The following CSMD2 variants were observed in gnomAD, a reference collection of about 807,000 sequenced individuals.
CSMD2 encodes CUB and sushi domain-containing protein 2.
CSMD2 carries 130 observed loss-of-function variants against 398.5 expected under a neutral mutation model. That is an observed-to-expected ratio of 0.33 (90% CI 0.28 to 0.38). The LOEUF (loss-of-function observed/expected upper bound fraction) is 0.38. Among genes scored for constraint, CSMD2 ranks in the 10% least tolerant of loss-of-function variants. CSMD2 has a pLI of 1.00. For missense variants in CSMD2, 3,829 were observed against 4,764.9 expected (o/e 0.80, Z 5.78); for synonymous variants, 1,828 against 1,908.5 (o/e 0.96, Z 1.10).
At chr1:33,832,424 C>A in intron 6 of CSMD2, among the ~76,000 whole-genome samples, 1 of 125,830 alleles carries the variant, frequency 7.9e-6, no homozygotes, top group South Asian at 3.0e-4. Context: ...GAACTGAAGG[C>A]AGAAATAAAG....
At chr1:33,721,360 A>G (rs895856191) in intron 19 of CSMD2, among the ~76,000 whole-genome samples, 1 of 152,230 alleles carries the variant, frequency 6.6e-6, no homozygotes, top group Admixed American at 6.5e-5. Context: ...CAATTTGGGT[A>G]GTGCAAGTAT....
chr1:33,566,298 A>G (rs10914745), intron 53 of CSMD2, among the ~76,000 whole-genome samples: 70,494 of 127,932 alleles, frequency 0.55, 17,036 homozygotes, highest in Admixed American at 0.69. Flanking sequence ...AAAAATAATC[A>G]GGAACCTCAA....
chr1:33,591,110 T>C (rs970381250), intron 44 of CSMD2, among the ~76,000 whole-genome samples: 1 of 140,400 alleles, frequency 7.1e-6, no homozygotes, highest in Non-Finnish European at 1.5e-5. Context: ...TGCCTCACCC[T>C]CCCGAGTAGC....
At chr1:33,737,700 A>G (rs1646927786) in intron 15 of CSMD2, among the ~76,000 whole-genome samples, 1 of 152,186 alleles carries the variant, frequency 6.6e-6, no homozygotes, top group Admixed American at 6.5e-5. Flanking sequence ...GCTCTAGCCT[A>G]GTTAAAAGGC....
At chr1:33,858,969 G>A (rs773909969) in intron 5 of CSMD2, among the ~76,000 whole-genome samples, 1 of 152,192 alleles carries the variant, frequency 6.6e-6, no homozygotes, top group Non-Finnish European at 1.5e-5. Flanking sequence ...AATATATCAT[G>A]TTCTTTTCCC....
At chr1:33,775,594 T>G (rs1389394364) in intron 12 of CSMD2, among the ~76,000 whole-genome samples, 2 of 152,178 alleles carry the variant, frequency 1.3e-5, no homozygotes. Flanking sequence ...GGGTGTACCC[T>G]CACTGAGACA....
intron 25 of CSMD2, among the ~76,000 whole-genome samples, chr1:33,664,250 T>C (rs1282079215): frequency 6.6e-6 from 1 of 152,212 alleles, no homozygotes; most frequent in African/African-American, 2.4e-5. Context: ...CAGAGTTTTT[T>C]TCAATGAGCA....
intron 5 of CSMD2, among the ~76,000 whole-genome samples, chr1:33,847,692 G>C (rs1359037331): frequency 6.6e-6 from 1 of 152,090 alleles, no homozygotes; most frequent in Non-Finnish European, 1.5e-5. Flanking sequence ...GTTTCCTTAA[G>C]ATAACTCCTC....
Position 34,164,735 on chromosome 1 carries a change from G to C in CSMD2, c.187+176C>G, listed in dbSNP as rs1475343833. Reference sequence around the variant, plus strand: ...AGGGTGGAGGTGAGGACGTGGCTGAGGGTGGGGTGGGAGACGGAGGCAGGG... The same window carrying C: ...AGGGTGGAGGTGAGGACGTGGCTGACGGTGGGGTGGGAGACGGAGGCAGGG... On this transcript the variant is annotated intron_variant, in intron 1 of 70. Transcript: ENST00000373381. The surrounding 1 kb of genome is among the most constrained non-coding windows in gnomAD (Gnocchi z 6.2). Among the ~76,000 whole-genome samples, 1 of 151,984 alleles carries C rather than the reference G, an allele frequency of 6.6e-6. No individual in the cohort carries two copies. The highest frequency in any genetic ancestry group is 2.4e-5 in the African/African-American group (1 of 41,386).
chr1:33,602,520 A>G lies in CSMD2; in HGVS notation c.6559T>C (p.Ser2187Pro). ...EVPCGGNITS[S>P]NGTVYSPGFP... ...CCCGGGGAGTACACAGTGCCGTTGG[A>G]AGAAGTGATGTTCCCGCCACAAGGG... Residue 2187 changes from serine to proline, a missense_variant, in exon 43 of 71, where the codon TCC becomes CCC. Ser to Pro is a moderately conservative substitution (Grantham distance 74, BLOSUM62 -1). This residue lies in a region of CSMD2 where 723 missense variants were observed against 758.6 expected (regional missense o/e 0.95). Transcript: ENST00000373381. The G allele has an allele frequency of 6.3e-7, 1 of 1,589,466 alleles. No individual in the cohort carries two copies. Among genetic ancestry groups the G allele is most frequent in the South Asian group, 1.2e-5 (1 of 86,346 alleles).
intron 49 of CSMD2, among the ~76,000 whole-genome samples, chr1:33,574,273 A>G (rs190292429): frequency 1.3e-4 from 20 of 152,360 alleles, no homozygotes; most frequent in Non-Finnish European, 2.1e-4. Flanking sequence ...GGGACAACTC[A>G]GGAGAGAAAT....
chr1:33,692,816 G>A, intron 25 of CSMD2, 114 bp downstream of exon 25: 5 of 1,318,090 alleles, frequency 3.8e-6, no homozygotes, highest in Non-Finnish European at 5.3e-6. Context: ...TTGATCACAA[G>A]GTTCTCCAGG....
At chr1:33,668,941 A>G (rs1230597940) in intron 25 of CSMD2, among the ~76,000 whole-genome samples, 2 of 152,236 alleles carry the variant, frequency 1.3e-5, no homozygotes, top group African/African-American at 2.4e-5. Flanking sequence ...AATAGGTGCT[A>G]AAGAGTGGAA....
intron 3 of CSMD2, among the ~76,000 whole-genome samples, chr1:33,958,964 C>T (rs1360062283): frequency 6.6e-6 from 1 of 152,208 alleles, no homozygotes; most frequent in African/African-American, 2.4e-5. Flanking sequence ...ACAAGGCCCT[C>T]GCCATGCTGT....
At chr1:33,586,783 C>T (rs1312246707) in intron 45 of CSMD2, among the ~76,000 whole-genome samples, 166 bp from the exon 46 acceptor site, 1 of 152,212 alleles carries the variant, frequency 6.6e-6, no homozygotes, top group Non-Finnish European at 1.5e-5. Context: ...CCTCTCACAA[C>T]TCAGCCTTGT....
chr1:34,133,074 C>T (rs778142033), intron 1 of CSMD2, among the ~76,000 whole-genome samples: 6 of 151,920 alleles, frequency 3.9e-5, no homozygotes, highest in Non-Finnish European at 7.4e-5. Flanking sequence ...TGTCAGGCCT[C>T]ATGCTTCGTC....
chr1:33,754,170 T>C (rs1204686945), intron 13 of CSMD2, among the ~76,000 whole-genome samples: 4 of 152,210 alleles, frequency 2.6e-5, no homozygotes, highest in African/African-American at 9.7e-5. Context: ...GAATAGCACA[T>C]TGAAATGTAA....
At chr1:33,619,008 G>A (rs969469644) in intron 37 of CSMD2, among the ~76,000 whole-genome samples, 4 of 152,262 alleles carry the variant, frequency 2.6e-5, no homozygotes, top group Admixed American at 2.6e-4. Flanking sequence ...TGGGAGTGTA[G>A]CATTTCCAGA....
intron 3 of CSMD2, among the ~76,000 whole-genome samples, chr1:33,937,564 C>T (rs990361507): frequency 4.6e-5 from 7 of 152,194 alleles, no homozygotes; most frequent in African/African-American, 1.7e-4. Context: ...AACCCTCTAC[C>T]AGCTCTGATG....
Sources: allele counts gnomAD v4.1 joint callset (sites outside exome capture counted in the v4.1 genomes callset), GRCh38; gene constraint gnomAD v4.1.1; regional missense constraint gnomAD v4.1.1; non-coding constraint Gnocchi (gnomAD v3.1); transcripts MANE v1.5; gene names NCBI Gene and HGNC (gene_info 2026-07-23, HGNC 2026-07-21).